Variants in EPHB1 observed in about 807,000 individuals in gnomAD.
The protein encoded by EPHB1 is ephrin type-B receptor 1.
EPHB1 carries 30 observed loss-of-function variants against 94.4 expected under a neutral mutation model. That is an observed-to-expected ratio of 0.32 (90% CI 0.24 to 0.43). EPHB1 has a LOEUF of 0.43. Among genes scored for constraint, EPHB1 ranks in the 20% least tolerant of loss-of-function variants. EPHB1 has a pLI of 1.00. For synonymous variants in EPHB1, 522 were observed against 489.1 expected, an observed-to-expected ratio of 1.07 and a Z score of -0.89; for missense variants, 1,055 against 1,308.3, an observed-to-expected ratio of 0.81 and a Z score of 2.99.
chr3:134,860,962 C>T (rs191299764), intron 1 of EPHB1, among the ~76,000 whole-genome samples: 7 of 152,228 alleles, frequency 4.6e-5, no homozygotes, highest in African/African-American at 1.4e-4. Context: ...GTTTGCTGCA[C>T]GTTTTGTTTT....
intron 3 of EPHB1, among the ~76,000 whole-genome samples, chr3:134,971,767 G>A (rs1933976826): frequency 6.6e-6 from 1 of 152,176 alleles, no homozygotes. Flanking sequence ...AAGGCTCCTG[G>A]CCTGTTTGAA....
rs769441012 is a variant in EPHB1 at position 134,925,862 on chromosome 3, G to T, written c.105G>T (p.Thr35=). 1 of 1,605,138 alleles carries T rather than the reference G, an allele frequency of 6.2e-7. No individual in the cohort carries two copies. The highest frequency in any genetic ancestry group is 2.2e-5 in the East Asian group (1 of 44,610). The change falls in exon 2 of 16, where the codon ACG becomes ACT. Residue 35 remains threonine (T), a synonymous_variant. Coordinates refer to ENST00000398015, the MANE Select transcript of EPHB1 (RefSeq NM_004441.5). The part of the protein sequence containing the change: ...TRTATAELGW[T]ANPASGWEEV... ...CGGCTACTGCAGAGCTGGGCTGGAC[G>T]GCCAATCCTGCGTCCGGGGTGAGTA...
intron 1 of EPHB1, among the ~76,000 whole-genome samples, chr3:134,825,408 A>G (rs963328933): frequency 1.3e-5 from 2 of 152,254 alleles, no homozygotes; most frequent in Non-Finnish European, 2.9e-5. Flanking sequence ...CAAGCATCCC[A>G]GCAATTGAGA....
rs148264337 is a variant in EPHB1, at chr3:135,155,633, A to G, written c.1422+1357A>G. Among the ~76,000 whole-genome samples the G allele has an allele frequency of 1.5e-3, 224 of 151,268 alleles. 5 individuals are homozygous for G. Among genetic ancestry groups the G allele is most frequent in the African/African-American group, 5.2e-3 (213 of 40,908 alleles). ...AGCCTGACCAACATAATGAAACCCC[A>G]TCTCTACTAAAAATACAAAAAATTA... On this transcript the variant is annotated intron_variant, in intron 6 of 15. Coordinates refer to ENST00000398015, the MANE Select transcript of EPHB1 (RefSeq NM_004441.5).
At chr3:135,158,611 G>A (rs1317517121) in intron 6 of EPHB1, among the ~76,000 whole-genome samples, 1 of 152,076 alleles carries the variant, frequency 6.6e-6, no homozygotes, top group East Asian at 1.9e-4. Flanking sequence ...AATTGATGAG[G>A]CTTTTGCTTC....
chr3:135,077,467 T>C (rs555343095), intron 3 of EPHB1, among the ~76,000 whole-genome samples: 3 of 152,344 alleles, frequency 2.0e-5, no homozygotes, highest in Admixed American at 6.5e-5. Context: ...ACTCTGTTTT[T>C]CTGAAGCCTA....
intron 1 of EPHB1, among the ~76,000 whole-genome samples, chr3:134,882,827 C>CTTTCT (rs1553861968): frequency 4.0e-4 from 38 of 94,818 alleles, no homozygotes; most frequent in African/African-American, 9.3e-4. Flanking sequence ...TCTTTCTTTT[C>CTTTCT]TTTCTTTCTT....
chr3:135,198,982 G>A (rs1397477920), intron 11 of EPHB1, among the ~76,000 whole-genome samples: 2 of 152,100 alleles, frequency 1.3e-5, no homozygotes, highest in Non-Finnish European at 2.9e-5. Context: ...TTTGACCCCA[G>A]AAACTATAAA....
chr3:134,972,353 TC>T (rs1354441203), intron 3 of EPHB1, among the ~76,000 whole-genome samples: 2 of 145,092 alleles, frequency 1.4e-5, no homozygotes, highest in Non-Finnish European at 3.0e-5. Context: ...AATATCTATA[TC>T]ATACGTGTTT....
At chr3:135,117,214 T>A (rs1358549738) in intron 4 of EPHB1, among the ~76,000 whole-genome samples, 2 of 152,238 alleles carry the variant, frequency 1.3e-5, no homozygotes, top group African/African-American at 4.8e-5. Flanking sequence ...TGGACAGGAA[T>A]GAGTCTTATA....
chr3:135,022,791 G>A (rs139225015), intron 3 of EPHB1, among the ~76,000 whole-genome samples: 2 of 152,070 alleles, frequency 1.3e-5, no homozygotes, highest in African/African-American at 2.4e-5. Flanking sequence ...GCATTTAAAT[G>A]GGTTTTATTA....
intron 12 of EPHB1, among the ~76,000 whole-genome samples, chr3:135,218,235 T>G (rs1459907010): frequency 6.6e-6 from 1 of 152,070 alleles, no homozygotes; most frequent in Non-Finnish European, 1.5e-5. Flanking sequence ...TAACATTAAT[T>G]AAGCTGAGAG....
chr3:135,104,941 T>C (rs1939156785), intron 3 of EPHB1, among the ~76,000 whole-genome samples: 1 of 152,258 alleles, frequency 6.6e-6, no homozygotes, highest in South Asian at 2.1e-4. Flanking sequence ...GTGGATATTT[T>C]TCAAATAGTT....
At chr3:135,128,038 C>T (rs1289168862) in intron 4 of EPHB1, among the ~76,000 whole-genome samples, 4 of 152,126 alleles carry the variant, frequency 2.6e-5, no homozygotes, top group Non-Finnish European at 4.4e-5. Flanking sequence ...CAGAAGTAAC[C>T]GTGGCAACAG....
intron 3 of EPHB1, among the ~76,000 whole-genome samples, chr3:135,054,835 T>A (rs756888852): frequency 1.3e-5 from 2 of 152,210 alleles, no homozygotes; most frequent in Non-Finnish European, 2.9e-5. Context: ...TTCTATGTGT[T>A]ATCCTCACCT....
At chr3:135,037,610 C>CT (rs1344266605) in intron 3 of EPHB1, among the ~76,000 whole-genome samples, 1 of 152,200 alleles carries the variant, frequency 6.6e-6, no homozygotes, top group Non-Finnish European at 1.5e-5. Context: ...TACCATCTAT[C>CT]TCCCCACCGC....
At chr3:134,861,312 T>A (rs1322692528) in intron 1 of EPHB1, among the ~76,000 whole-genome samples, 1 of 152,196 alleles carries the variant, frequency 6.6e-6, no homozygotes, top group East Asian at 1.9e-4. Context: ...TTACATCAGA[T>A]GTGGCCAAGA....
intron 3 of EPHB1, among the ~76,000 whole-genome samples, chr3:135,032,361 T>C (rs1014344512): frequency 3.4e-5 from 5 of 149,230 alleles, no homozygotes; most frequent in Non-Finnish European, 7.5e-5. Context: ...AGCTTTTATT[T>C]TTATTTCCTA....
intron 1 of EPHB1, among the ~76,000 whole-genome samples, chr3:134,824,425 CACTA>C (rs2036439575): frequency 6.6e-6 from 1 of 152,130 alleles, no homozygotes; most frequent in South Asian, 2.1e-4. Flanking sequence ...AGCAGCACAT[CACTA>C]ACTGATGACA....
Sources: allele counts gnomAD v4.1 joint callset (sites outside exome capture counted in the v4.1 genomes callset), GRCh38; gene constraint gnomAD v4.1.1; transcripts MANE v1.5; gene names NCBI Gene and HGNC (gene_info 2026-07-23, HGNC 2026-07-21).